The following AFF3 variants were observed in gnomAD, a reference collection of about 807,000 sequenced individuals.
The protein encoded by AFF3 is ALF transcription elongation factor 3.
In AFF3, 32 loss-of-function variants were observed where a neutral mutation model predicts 129.7. That is an observed-to-expected ratio of 0.25 (90% CI 0.19 to 0.33). The LOEUF is 0.33. Among genes scored for constraint, AFF3 ranks in the 10% least tolerant of loss-of-function variants. The probability of loss-of-function intolerance (pLI) is 1.00; values close to 1 mark genes in which losing one functional copy is unlikely to be tolerated. For missense variants in AFF3, 1,373 were observed against 1,592.0 expected (o/e 0.86, Z 2.34); for synonymous variants, 644 against 635.4 (o/e 1.01, Z -0.20).
At chr2:99,829,235 T>G (rs1442502350) in intron 8 of AFF3, among the ~76,000 whole-genome samples, 1 of 152,170 alleles carries the variant, frequency 6.6e-6, no homozygotes, top group Non-Finnish European at 1.5e-5. Flanking sequence ...GGCAAAGACT[T>G]CATGACTAAA....
At chr2:99,959,339 C>CAAAAAAAAAAAAAAAAA (rs34083581) in intron 7 of AFF3, among the ~76,000 whole-genome samples, 1 of 66,962 alleles carries the variant, frequency 1.5e-5, no homozygotes, top group Non-Finnish European at 2.9e-5. Context: ...AAGAGTCTGC[C>CAAAAAAAAAAAAAAAAA]AAAAAAAAAA....
chr2:100,133,957 C>A (rs1387383464), intron 1 of AFF3, among the ~76,000 whole-genome samples: 1 of 151,940 alleles, frequency 6.6e-6, no homozygotes, highest in Non-Finnish European at 1.5e-5. Flanking sequence ...AATAAAATAA[C>A]AATAATAATA....
chr2:100,140,592 A>G (rs1244586572), intron 1 of AFF3, among the ~76,000 whole-genome samples: 1 of 152,210 alleles, frequency 6.6e-6, no homozygotes, highest in Non-Finnish European at 1.5e-5. Flanking sequence ...ATACAATAAC[A>G]AAATGTGTGT....
chr2:99,707,434 G>A (rs748113019), intron 11 of AFF3: 93 of 985,198 alleles, frequency 9.4e-5, no homozygotes, highest in Non-Finnish European at 1.0e-4. Flanking sequence ...TCAAGTATCA[G>A]ATAATTTTTT....
intron 4 of AFF3, among the ~76,000 whole-genome samples, chr2:100,040,065 AC>A (rs1292496097): frequency 6.6e-6 from 1 of 152,110 alleles, no homozygotes; most frequent in East Asian, 1.9e-4. Flanking sequence ...GGACTGCAAA[AC>A]CCAGTAACAG....
At chr2:100,039,296 G>A (rs1347034547) in intron 4 of AFF3, among the ~76,000 whole-genome samples, 4 of 152,146 alleles carry the variant, frequency 2.6e-5, no homozygotes, top group Non-Finnish European at 5.9e-5. Flanking sequence ...CAGTGGCTCT[G>A]GCCTATAGAC....
chr2:100,002,623 G>T (rs78555864), intron 7 of AFF3, among the ~76,000 whole-genome samples: 1 of 152,050 alleles, frequency 6.6e-6, no homozygotes, highest in Non-Finnish European at 1.5e-5. Flanking sequence ...CCAAATTCAG[G>T]TGTCTCTTTC....
intron 13 of AFF3, among the ~76,000 whole-genome samples, chr2:99,614,419 A>G (rs572419024): frequency 1.3e-5 from 2 of 152,358 alleles, no homozygotes; most frequent in East Asian, 3.9e-4. Context: ...AGGCATTTAC[A>G]CAGACATATC....
intron 7 of AFF3, among the ~76,000 whole-genome samples, chr2:99,842,418 C>T (rs1456466077): frequency 2.6e-5 from 4 of 152,128 alleles, no homozygotes; most frequent in Admixed American, 2.6e-4. Flanking sequence ...AGGAAGGCTG[C>T]ACAATGCACA....
chr2:99,638,418 C>T (rs1485633735), intron 13 of AFF3, among the ~76,000 whole-genome samples: 1 of 151,060 alleles, frequency 6.6e-6, no homozygotes, highest in South Asian at 2.1e-4. Flanking sequence ...TTCCTGTGTT[C>T]GCAGACTGCA....
chr2:99,601,677 C>T (rs929571278), intron 13 of AFF3, 56 bp from the exon 14 acceptor site: 26 of 1,552,448 alleles, frequency 1.7e-5, no homozygotes, highest in Non-Finnish European at 2.2e-5. Flanking sequence ...AGTGAGCAAA[C>T]AGGAAAACAC....
chr2:99,772,338 C>G (rs1467654077), intron 8 of AFF3, among the ~76,000 whole-genome samples: 2 of 152,120 alleles, frequency 1.3e-5, no homozygotes, highest in African/African-American at 4.8e-5. Flanking sequence ...CTGTGATAGT[C>G]TAAGTGTCTG....
intron 11 of AFF3, among the ~76,000 whole-genome samples, chr2:99,688,098 T>C (rs1401728637): frequency 6.6e-6 from 1 of 152,182 alleles, no homozygotes; most frequent in East Asian, 1.9e-4. Context: ...CGCCTCGGCC[T>C]CCCAAAATGC....
At chr2:99,741,617 T>A (rs1680728091) in intron 10 of AFF3, among the ~76,000 whole-genome samples, 1 of 152,070 alleles carries the variant, frequency 6.6e-6, no homozygotes, top group South Asian at 2.1e-4. Flanking sequence ...GTAGGAAGAA[T>A]CAATATCATG....
chr2:99,943,706 G>A (rs1675277037), intron 7 of AFF3, among the ~76,000 whole-genome samples: 1 of 152,024 alleles, frequency 6.6e-6, no homozygotes, highest in South Asian at 2.1e-4. Context: ...AGTGAATTCT[G>A]CTTGTTAAAA....
At chr2:99,969,704 T>C (rs1015207326) in intron 7 of AFF3, among the ~76,000 whole-genome samples, 2 of 152,092 alleles carry the variant, frequency 1.3e-5, no homozygotes, top group Non-Finnish European at 2.9e-5. Context: ...GGTTTCACCA[T>C]GTTGGCCAGA....
At chr2:99,909,999 G>C (rs1695004724) in intron 7 of AFF3, among the ~76,000 whole-genome samples, 1 of 151,838 alleles carries the variant, frequency 6.6e-6, no homozygotes, top group South Asian at 2.1e-4. Flanking sequence ...TCTTTACAGA[G>C]GTAATAAAGT....
intron 12 of AFF3, among the ~76,000 whole-genome samples, chr2:99,661,593 T>C (rs1282868466): frequency 2.0e-5 from 3 of 152,240 alleles, no homozygotes; most frequent in African/African-American, 4.8e-5. Context: ...TAAATCTCCA[T>C]TGAGTCTCCG....
chr2:99,961,305 T>C (rs1006515435), intron 7 of AFF3, among the ~76,000 whole-genome samples: 5 of 152,238 alleles, frequency 3.3e-5, no homozygotes, highest in Non-Finnish European at 7.3e-5. Flanking sequence ...GAAGATCATA[T>C]ACTTTGGGCA....
Sources: allele counts gnomAD v4.1 joint callset (sites outside exome capture counted in the v4.1 genomes callset), GRCh38; gene constraint gnomAD v4.1.1; transcripts MANE v1.5; gene names NCBI Gene and HGNC (gene_info 2026-07-23, HGNC 2026-07-21).